Variants in PRELID2 observed in about 807,000 individuals in gnomAD.
The protein encoded by PRELID2 is PRELI domain-containing protein 2.
PRELID2 carries 25 observed loss-of-function variants against 28.4 expected under a neutral mutation model. The observed-to-expected ratio is 0.88, with a 90% CI of 0.64 to 1.23. PRELID2 has a LOEUF of 1.23. Among genes scored for constraint, PRELID2 ranks in the 50% most tolerant of loss-of-function variants. The pLI, the probability that PRELID2 is intolerant of heterozygous loss-of-function variation, is 0.00. For missense variants in PRELID2, 201 were observed against 214.4 expected (o/e 0.94, Z 0.39); for synonymous variants, 76 against 71.6 (o/e 1.06, Z -0.31).
chr5:145,680,875 A>G (rs55647611), intron 1 of PRELID2, among the ~76,000 whole-genome samples: 4,465 of 152,074 alleles, frequency 0.029, 207 homozygotes, highest in African/African-American at 0.098. Flanking sequence ...AAGGAAGGCT[A>G]TGGTTCATGA....
intron 1 of PRELID2, among the ~76,000 whole-genome samples, chr5:145,678,971 G>A (rs746079958): frequency 5.9e-5 from 9 of 152,092 alleles, no homozygotes; most frequent in Non-Finnish European, 1.2e-4. Flanking sequence ...TGTTGTCCTC[G>A]CTGATCTCTC....
At chr5:145,580,239 G>T (rs1048199211) in intron 1 of PRELID2, among the ~76,000 whole-genome samples, 1 of 152,002 alleles carries the variant, frequency 6.6e-6, no homozygotes, top group African/African-American at 2.4e-5. Flanking sequence ...AAAGCAATCA[G>T]GGAACAAGAA....
chr5:145,676,806 G>GA lies in PRELID2; in HGVS notation n.70+88124dup, dbSNP rs556959533. On this transcript the variant is annotated intron_variant and non_coding_transcript_variant, in intron 1 of 2. Coordinates refer to the PRELID2 transcript ENST00000510259. ...CAATTTATAGAATATACAGAGGACAGAAAAAAATACTTTTAATAACACCAC... is the reference window on the plus strand; with the variant it reads ...CAATTTATAGAATATACAGAGGACAGAAAAAAAATACTTTTAATAACACCAC... Among the ~76,000 whole-genome samples, 187 of 152,012 alleles carry GA rather than the reference G, an allele frequency of 1.2e-3. 1 individual carries two copies. The highest frequency in any genetic ancestry group is 0.01 in the Admixed American group (157 of 15,284).
the PRELID2 span, among the ~76,000 whole-genome samples, chr5:145,385,300 A>G: frequency 6.6e-6 from 1 of 152,186 alleles, no homozygotes; most frequent in Non-Finnish European, 1.5e-5. Context: ...AAAGACAAAT[A>G]AACATGGTTA....
intron 1 of PRELID2, among the ~76,000 whole-genome samples, chr5:145,714,670 G>T (rs1212932993): frequency 6.6e-6 from 1 of 152,070 alleles, no homozygotes; most frequent in Non-Finnish European, 1.5e-5. Flanking sequence ...AATTTTGTCT[G>T]ATTCTAATAT....
the PRELID2 span, among the ~76,000 whole-genome samples, chr5:145,337,699 A>G: frequency 6.3e-4 from 17 of 27,174 alleles, no homozygotes; most frequent in African/African-American, 2.7e-3. Context: ...ATATATATAT[A>G]TATATATATA....
chr5:145,571,382 C>T (rs1176484670), intron 1 of PRELID2, among the ~76,000 whole-genome samples: 6 of 152,188 alleles, frequency 3.9e-5, no homozygotes, highest in African/African-American at 1.4e-4. Context: ...GGAATTCAGG[C>T]ACAACTGACC....
At chr5:145,230,057 C>A in the PRELID2 span, 16 of 682,848 alleles carry the variant, frequency 2.3e-5, no homozygotes, top group Non-Finnish European at 4.1e-5. Context: ...CCAGATAGAC[C>A]CCTGTACCAT....
chr5:145,693,132 A>G (rs13166012), intron 1 of PRELID2, among the ~76,000 whole-genome samples: 7 of 150,884 alleles, frequency 4.6e-5, no homozygotes, highest in African/African-American at 1.7e-4. Context: ...GTTCCTAGGG[A>G]AAAATAAATA....
chr5:145,293,277 C>T, the PRELID2 span, among the ~76,000 whole-genome samples: 2 of 152,082 alleles, frequency 1.3e-5, no homozygotes, highest in African/African-American at 4.8e-5. Flanking sequence ...AGTATTTAGA[C>T]AGATTTCTGG....
chr5:145,309,131 G>A, the PRELID2 span, among the ~76,000 whole-genome samples: 1 of 152,204 alleles, frequency 6.6e-6, no homozygotes, highest in African/African-American at 2.4e-5. Flanking sequence ...AATTTGAAGT[G>A]TGGTGTTTGA....
the PRELID2 span, among the ~76,000 whole-genome samples, chr5:145,252,948 A>T: frequency 4.8e-4 from 73 of 152,270 alleles, no homozygotes; most frequent in Middle Eastern, 3.4e-3. Context: ...CTATATTTTA[A>T]AAAACATTTT....
intron 1 of PRELID2, among the ~76,000 whole-genome samples, chr5:145,512,011 T>A (rs1295817144): frequency 6.6e-6 from 1 of 152,112 alleles, no homozygotes; most frequent in Non-Finnish European, 1.5e-5. Flanking sequence ...AGGCAAATCT[T>A]GTAGACTGAT....
chr5:145,667,425 T>C (rs1191190320), intron 1 of PRELID2, among the ~76,000 whole-genome samples: 3 of 152,114 alleles, frequency 2.0e-5, no homozygotes, highest in Non-Finnish European at 2.9e-5. Context: ...GTGCTTTATA[T>C]ATATTTACTC....
chr5:145,501,341 C>T (rs561856754), intron 1 of PRELID2, among the ~76,000 whole-genome samples: 7 of 152,274 alleles, frequency 4.6e-5, no homozygotes, highest in Non-Finnish European at 1.0e-4. Context: ...GAACACAACA[C>T]CTCTACTAAC....
At chr5:145,471,852 A>C (rs912450593) in exon 3 of PRELID2, 1 of 152,200 alleles carries the variant, frequency 6.6e-6, no homozygotes, top group Non-Finnish European at 1.5e-5. Flanking sequence ...AATGATTCCC[A>C]TAGAATTGCT....
the PRELID2 span, among the ~76,000 whole-genome samples, chr5:145,368,551 A>C: frequency 1.3e-5 from 2 of 151,990 alleles, no homozygotes; most frequent in African/African-American, 4.8e-5. Context: ...ATATATACTT[A>C]GTATGTCTGA....
chr5:145,773,683 T>A (rs1218070817), intron 5 of PRELID2, among the ~76,000 whole-genome samples: 1 of 152,234 alleles, frequency 6.6e-6, no homozygotes, highest in Non-Finnish European at 1.5e-5. Flanking sequence ...ACTCCTGTAC[T>A]CTCAACTGTG....
At chr5:145,492,906 T>C (rs1355928809) in intron 1 of PRELID2, among the ~76,000 whole-genome samples, 1 of 140,514 alleles carries the variant, frequency 7.1e-6, no homozygotes, top group Non-Finnish European at 1.6e-5. Context: ...GGTCTGTAGT[T>C]TGGACTGTGG....
Sources: gnomAD v4.1 joint callset for allele counts (sites outside exome capture counted in the v4.1 genomes callset) on GRCh38, gnomAD v4.1.1 for gene constraint, MANE v1.5 for transcripts, NCBI Gene and HGNC (gene_info 2026-07-23, HGNC 2026-07-21) for gene names.